Variants in NRP1 observed in about 807,000 individuals in gnomAD.
NRP1 encodes the protein neuropilin-1.
A neutral mutation model predicts 106.7 loss-of-function variants in NRP1; 35 were observed. That is an observed-to-expected ratio of 0.33 (90% CI 0.25 to 0.43). The LOEUF (loss-of-function observed/expected upper bound fraction) is 0.43, where lower values mean the gene tolerates loss of function less well. NRP1 is among the 20% of genes least tolerant of loss of function. The probability of loss-of-function intolerance (pLI) is 1.00; values close to 1 mark genes in which losing one functional copy is unlikely to be tolerated. For synonymous variants in NRP1, 437 were observed against 417.9 expected (o/e 1.05, Z -0.56); for missense variants, 1,024 against 1,170.4 (o/e 0.87, Z 1.83).
chr10:33,262,211 A>T (rs1223907711), intron 4 of NRP1, among the ~76,000 whole-genome samples: 1 of 152,208 alleles, frequency 6.6e-6, no homozygotes, highest in African/African-American at 2.4e-5. Context: ...ATATTAAACC[A>T]GACTAAACAC....
Position 33,213,520 on chromosome 10 carries a change from T to A in NRP1, c.1480A>T (p.Ile494Phe), listed in dbSNP as rs892763734. Reference sequence around the variant, plus strand: ...CCCTGAATGATGATGCCCCTCACGATCTTCTCCTCCCCCAGGTCTATTTGG... The same window carrying A: ...CCCTGAATGATGATGCCCCTCACGAACTTCTCCTCCCCCAGGTCTATTTGG... ...WLQIDLGEEK[I>F]VRGIIIQGGK... Residue 494 changes from isoleucine to phenylalanine, a missense_variant, in exon 9 of 17, where the codon ATC becomes TTC. Ile to Phe is a conservative substitution (Grantham distance 21). This residue lies in a region of NRP1 where 562 missense variants were observed against 620.3 expected (regional missense o/e 0.91). Coordinates refer to ENST00000374867, the MANE Select transcript of NRP1 (RefSeq NM_003873.7). The A allele has an allele frequency of 4.3e-6, 7 of 1,613,914 alleles. No homozygotes were observed. Among genetic ancestry groups the A allele is most frequent in the African/African-American group, 1.3e-5 (1 of 74,890 alleles).
chr10:33,184,033 A>G (rs1427856636), intron 15 of NRP1, among the ~76,000 whole-genome samples: 1 of 151,112 alleles, frequency 6.6e-6, no homozygotes, highest in Non-Finnish European at 1.5e-5. Context: ...TTTTTTTGAA[A>G]TGGGGTCTTG....
At chr10:33,194,042 C>CA (rs1836600211) in intron 12 of NRP1, among the ~76,000 whole-genome samples, 2 of 152,256 alleles carry the variant, frequency 1.3e-5, no homozygotes, top group East Asian at 3.9e-4. Context: ...GCTGTAGTGT[C>CA]ATCGGAGAGA....
rs191645719 is a variant in NRP1 at position 33,265,614 on chromosome 10, C to T, written c.431-1741G>A. Among the ~76,000 whole-genome samples the T allele has an allele frequency of 7.9e-5, 12 of 152,304 alleles. No homozygotes were observed. The South Asian group carries it at 1.5e-3, about 18-fold the overall frequency. ...AATCCTTTCCTCCTCATGCACATAT[C>T]GGCTATCCATGGATCCATGGCATTG... On this transcript the variant is annotated intron_variant, in intron 3 of 16. Coordinates refer to ENST00000374867, the MANE Select transcript of NRP1 (RefSeq NM_003873.7).
In NRP1 at chr10:33,184,065, G is replaced by A. The variant is rs569790414; in HGVS notation, c.2432-1317C>T. ...CTTGCTCTGTGGCCTAGGCTGGAGT[G>A]CAATGGTATGACCTTGGCTCACTGC... On this transcript the variant is annotated intron_variant, in intron 15 of 16. Coordinates refer to ENST00000374867, the MANE Select transcript of NRP1 (RefSeq NM_003873.7). 4.8e-4 allele frequency among the ~76,000 whole-genome samples: 73 copies of A among 152,168 alleles called. 1 individual carries two copies. The Middle Eastern group carries it at 0.01, about 21-fold the overall frequency.
chr10:33,200,462 C>T (rs1194061451), intron 11 of NRP1, among the ~76,000 whole-genome samples: 1 of 152,172 alleles, frequency 6.6e-6, no homozygotes, highest in South Asian at 2.1e-4. Context: ...CATTTCATTA[C>T]AATATTTCTC....
intron 8 of NRP1, among the ~76,000 whole-genome samples, chr10:33,219,295 A>C (rs1250644673): frequency 6.6e-6 from 1 of 152,150 alleles, no homozygotes; most frequent in Non-Finnish European, 1.5e-5. Context: ...TCAATGTCTT[A>C]TCCATGGTCC....
intron 2 of NRP1, among the ~76,000 whole-genome samples, chr10:33,283,376 T>C (rs1844284075): frequency 6.6e-6 from 1 of 152,214 alleles, no homozygotes; most frequent in Non-Finnish European, 1.5e-5. Context: ...TTCTATTAAG[T>C]CAGAAGGTGG....
chr10:33,303,411 C>T (rs543670482), intron 2 of NRP1, among the ~76,000 whole-genome samples: 1 of 152,328 alleles, frequency 6.6e-6, no homozygotes, highest in Non-Finnish European at 1.5e-5. Context: ...TTTGGATAAA[C>T]TTCATCTTTT....
chr10:33,230,901 T>A (rs970102241), intron 6 of NRP1, among the ~76,000 whole-genome samples: 1 of 152,226 alleles, frequency 6.6e-6, no homozygotes, highest in African/African-American at 2.4e-5. Flanking sequence ...AAAGAGTAGA[T>A]GAAAAGTTTT....
chr10:33,299,493 A>G (rs1384417457), intron 2 of NRP1, among the ~76,000 whole-genome samples: 1 of 152,132 alleles, frequency 6.6e-6, no homozygotes, highest in African/African-American at 2.4e-5. Context: ...AATTTGTTAC[A>G]GGTGACAGGG....
intron 2 of NRP1, among the ~76,000 whole-genome samples, chr10:33,276,215 T>C (rs1437193591): frequency 6.6e-6 from 1 of 152,208 alleles, no homozygotes; most frequent in Non-Finnish European, 1.5e-5. Context: ...ACTACCTATA[T>C]ATAAATAAAC....
chr10:33,242,302 A>C (rs1841086516), intron 6 of NRP1, among the ~76,000 whole-genome samples: 2 of 152,250 alleles, frequency 1.3e-5, no homozygotes, highest in South Asian at 4.1e-4. Context: ...ATTGTTAAAT[A>C]AATGAATTCT....
chr10:33,272,702 C>T (rs561145423), intron 2 of NRP1, among the ~76,000 whole-genome samples: 4 of 152,136 alleles, frequency 2.6e-5, no homozygotes, highest in Non-Finnish European at 4.4e-5. Context: ...ATTGACAAGG[C>T]AGGTTTGCAT....
intron 2 of NRP1, among the ~76,000 whole-genome samples, chr10:33,279,787 G>A (rs112002649): frequency 1.1e-3 from 160 of 152,292 alleles, no homozygotes; most frequent in African/African-American, 3.7e-3. Context: ...AGGGAGGAGG[G>A]ATCATCTGCT....
intron 5 of NRP1, among the ~76,000 whole-genome samples, chr10:33,255,919 C>T (rs1260429156): frequency 2.6e-5 from 4 of 152,168 alleles, no homozygotes; most frequent in Non-Finnish European, 4.4e-5. Flanking sequence ...TCCCATACTT[C>T]GTGACTGCTC....
intron 2 of NRP1, among the ~76,000 whole-genome samples, chr10:33,305,463 C>G (rs1846083557): frequency 6.6e-6 from 1 of 152,032 alleles, no homozygotes; most frequent in Non-Finnish European, 1.5e-5. Flanking sequence ...TTATGCATTA[C>G]CTGGAAAAGT....
chr10:33,206,793 C>T (rs1175683856), intron 10 of NRP1, among the ~76,000 whole-genome samples: 2 of 152,154 alleles, frequency 1.3e-5, no homozygotes, highest in South Asian at 2.1e-4. Flanking sequence ...ATATATTAAA[C>T]GGTACAATAA....
intron 2 of NRP1, among the ~76,000 whole-genome samples, chr10:33,301,485 C>T (rs1371840603): frequency 7.2e-5 from 11 of 152,186 alleles, no homozygotes; most frequent in Non-Finnish European, 1.0e-4. Context: ...ACATTTTCTG[C>T]AACACTGAAC....
Sources: gnomAD v4.1 joint callset for allele counts (sites outside exome capture counted in the v4.1 genomes callset) on GRCh38, gnomAD v4.1.1 for gene constraint, gnomAD v4.1.1 regional missense constraint, MANE v1.5 for transcripts, NCBI Gene and HGNC (gene_info 2026-07-23, HGNC 2026-07-21) for gene names.